CBL: variants seen among roughly 807,000 people sequenced by gnomAD.
CBL encodes the protein E3 ubiquitin-protein ligase CBL.
In CBL, 45 loss-of-function variants were observed where a neutral mutation model predicts 96.9. The observed-to-expected ratio is 0.46, with a 90% CI of 0.37 to 0.60. CBL has a LOEUF of 0.60. Among genes scored for constraint, CBL ranks in the 20% least tolerant of loss-of-function variants. The pLI is 0.00. For synonymous variants in CBL, 420 were observed against 426.8 expected (o/e 0.98, Z 0.20); for missense variants, 1,024 against 1,143.5 (o/e 0.90, Z 1.51).
chr11:119,305,912 T>G lies in CBL; in HGVS notation c.*6131T>G, dbSNP rs1042330049. The G allele has an allele frequency of 3.9e-6, 1 of 255,926 alleles. No individual in the cohort carries two copies. The highest frequency in any genetic ancestry group is 7.5e-6 in the Non-Finnish European group (1 of 133,992). The allele number at this position is 255,926 out of a possible 1,614,324, so 15.9% of individuals were successfully genotyped here. ...TCATTTGATACACACAGAAGTTACC[T>G]AATAATCCAAAGATGTCCATCAAGG... On this transcript the variant is annotated 3_prime_UTR_variant, in exon 16 of 16. Coordinates refer to ENST00000264033, the MANE Select transcript of CBL (RefSeq NM_005188.4).
chr11:119,218,394 GT>G (rs776002071), intron 1 of CBL, among the ~76,000 whole-genome samples: 3 of 152,174 alleles, frequency 2.0e-5, no homozygotes, highest in Non-Finnish European at 2.9e-5. Flanking sequence ...GTCTTAATTA[GT>G]GTATGGCATC....
At chr11:119,243,193 G>T (rs35760686) in intron 2 of CBL, among the ~76,000 whole-genome samples, 1 of 152,036 alleles carries the variant, frequency 6.6e-6, no homozygotes, top group Non-Finnish European at 1.5e-5. Flanking sequence ...CAGCAGAATC[G>T]CTAGAATCCA....
At chr11:119,216,337 G>GTAAT (rs1322001947) in intron 1 of CBL, among the ~76,000 whole-genome samples, 1 of 138,770 alleles carries the variant, frequency 7.2e-6, no homozygotes. Context: ...TGGACTTATT[G>GTAAT]TAATTTATTT....
Position 119,285,520 on chromosome 11 carries a change from C to G in CBL, c.1895C>G (p.Pro632Arg). 6.2e-7 allele frequency: 1 copy of G among 1,614,114 alleles called. No homozygotes were observed. Among genetic ancestry groups the G allele is most frequent in the South Asian group, 1.1e-5 (1 of 91,078 alleles). ...TTGCCCTCACAAATGGAGCCCAGAC[C>G]AGATGTGCCTAGGCTCGGAAGCACG... is the stretch of plus-strand genomic sequence containing the variant. The part of the protein sequence containing the change: ...FSLPSQMEPR[P>R]DVPRLGSTFS... The change falls in exon 11 of 16, where the codon CCA becomes CGA. Residue 632 changes from proline (P) to arginine (R), a missense_variant. By Grantham distance (103) the Pro-to-Arg change is moderately radical (BLOSUM62 -2). Transcript: ENST00000264033.
At chr11:119,277,022 G>T (rs1284922821) in intron 6 of CBL, among the ~76,000 whole-genome samples, 1 of 152,142 alleles carries the variant, frequency 6.6e-6, no homozygotes, top group African/African-American at 2.4e-5. Flanking sequence ...GAGACGGGTG[G>T]ATCACCTGAG....
At chr11:119,259,986 A>AC (rs2135286766) in intron 2 of CBL, among the ~76,000 whole-genome samples, 1 of 152,300 alleles carries the variant, frequency 6.6e-6, no homozygotes, top group South Asian at 2.1e-4. Flanking sequence ...TAGCAAATGG[A>AC]CCGTTCCATT....
intron 3 of CBL, among the ~76,000 whole-genome samples, chr11:119,273,531 C>T (rs1052945243): frequency 3.3e-5 from 5 of 152,138 alleles, no homozygotes; most frequent in Non-Finnish European, 4.4e-5. Context: ...AGTGATTTTC[C>T]CCCCTCAGCC....
At chr11:119,236,689 CTA>C (rs1269862430) in intron 2 of CBL, among the ~76,000 whole-genome samples, 1 of 150,960 alleles carries the variant, frequency 6.6e-6, no homozygotes, top group African/African-American at 2.4e-5. Flanking sequence ...AACCTCCAAA[CTA>C]TTTCCACAGT....
chr11:119,260,074 A>C (rs1047429702), intron 2 of CBL, among the ~76,000 whole-genome samples: 16 of 152,166 alleles, frequency 1.1e-4, no homozygotes, highest in Admixed American at 3.9e-4. Flanking sequence ...TACTCATGTT[A>C]GTATCTTCCC....
intron 1 of CBL, 49 bp downstream of exon 1, chr11:119,206,661 G>A: frequency 6.6e-7 from 1 of 1,522,666 alleles, no homozygotes; most frequent in Non-Finnish European, 8.8e-7. Flanking sequence ...CGTGGGCGGA[G>A]GGCCGCGGGG....
chr11:119,217,422 GT>G (rs1949371309), intron 1 of CBL, among the ~76,000 whole-genome samples: 1 of 152,118 alleles, frequency 6.6e-6, no homozygotes, highest in African/African-American at 2.4e-5. Flanking sequence ...CCATATTTTT[GT>G]TTTTTATGTG....
chr11:119,299,456 C>A, intron 15 of CBL, 39 bp from the exon 16 acceptor site: 3 of 1,581,224 alleles, frequency 1.9e-6, no homozygotes, highest in African/African-American at 1.3e-5. Flanking sequence ...ATGAGGATTT[C>A]CCCAGATTTG....
At position 119,255,978 on chromosome 11, in the gene CBL, T is replaced by C. The variant is rs114591771; in HGVS notation, c.444-15757T>C. Reference sequence around the variant, plus strand: ...TTGAACTCCTGGTCTCAAGCAGTCCTCCTGCCTTGGCCTTGCACAGTGCTG... The same window carrying C: ...TTGAACTCCTGGTCTCAAGCAGTCCCCCTGCCTTGGCCTTGCACAGTGCTG... On this transcript the variant is annotated intron_variant, in intron 2 of 15. Transcript: ENST00000264033. Among the ~76,000 whole-genome samples, 867 of 151,526 alleles carry C rather than the reference T, an allele frequency of 5.7e-3. 9 individuals are homozygous for C. Among genetic ancestry groups the C allele is most frequent in the African/African-American group, 0.016 (665 of 41,246 alleles).
At position 119,206,423 on chromosome 11, in the gene CBL, C is replaced by T. The variant is rs770473070; in HGVS notation, c.6C>T (p.Ala2=). The stretch of plus-strand genomic sequence containing the variant: ...GCTCCGACCCTGCCCAGGCCATGGC[C>T]GGCAACGTGAAGAAGAGCTCTGGGG... M[A]GNVKKSSGAG... is the part of the protein sequence containing the mutation. The change falls in exon 1 of 16, where the codon GCC becomes GCT. Residue 2 remains alanine (A), a synonymous_variant. Transcript: ENST00000264033. The T allele has an allele frequency of 1.3e-6, 2 of 1,564,372 alleles. No homozygotes were observed. Among genetic ancestry groups the T allele is most frequent in the South Asian group, 2.3e-5 (2 of 86,018 alleles).
At chr11:119,282,774 G>A (rs1035753197) in intron 9 of CBL, among the ~76,000 whole-genome samples, 10 of 152,104 alleles carry the variant, frequency 6.6e-5, no homozygotes, top group African/African-American at 2.4e-5. Flanking sequence ...AAGTTGGGAA[G>A]TTCACTAGGT....
In CBL at chr11:119,275,861, TAAAA is replaced by T. The variant is rs1487807953; in HGVS notation, c.870-132_870-129del. 1.8e-4 allele frequency: 172 copies of T among 931,528 alleles called. No homozygotes were observed. In the African/African-American group the frequency reaches 2.6e-3, roughly 14 times the overall value. 57.7% of individuals were successfully genotyped at this position (931,528 alleles called of 1,614,324 possible). A position where few individuals can be genotyped will look rare whatever the true frequency, so the allele number is the denominator to read the frequency against. ...TGGGTGACAGAGCCAGACTCCATCT[TAAAA>T]AAAGAAAGAAAGAAAGGAAGAAAGT... is the stretch of plus-strand genomic sequence containing the variant. On this transcript the variant is annotated intron_variant, in intron 5 of 15. Transcript: ENST00000264033.
intron 1 of CBL, 114 bp from the exon 2 acceptor site, chr11:119,232,334 T>C (rs1949509385): frequency 8.6e-7 from 1 of 1,161,054 alleles, no homozygotes. Context: ...TATATTCTCA[T>C]GTATTTTTCA....
rs753118649 is a variant in CBL, at chr11:119,301,028, A to AT, written c.*1248dup. The AT allele has an allele frequency of 4.7e-5, 11 of 233,370 alleles. No homozygotes were observed. The highest frequency in any genetic ancestry group is 8.5e-5 in the Non-Finnish European group (10 of 118,220). The allele number at this position is 233,370 out of a possible 1,614,324, so 14.5% of individuals were successfully genotyped here. A position where few individuals can be genotyped will look rare whatever the true frequency, so the allele number is the denominator to read the frequency against. ...TTCCTTTGCCCTTTAAGGAGTGGGG[A>AT]TAATGTCCACGGTGGCCCAGCCTCT... On this transcript the variant is annotated 3_prime_UTR_variant, in exon 16 of 16. Coordinates refer to ENST00000264033, the MANE Select transcript of CBL (RefSeq NM_005188.4).
At position 119,303,195 on chromosome 11, in the gene CBL, C is replaced by A; in HGVS notation, c.*3414C>A. ...TCTAGTTCTTTTTGTAGGTGTTCAG[C>A]AATGGTGATAAAGCAGAATATTCTC... On this transcript the variant is annotated 3_prime_UTR_variant, in exon 16 of 16. Coordinates refer to ENST00000264033, the MANE Select transcript of CBL (RefSeq NM_005188.4). 1 of 231,570 alleles carries A rather than the reference C, an allele frequency of 4.3e-6. No individual in the cohort carries two copies. The highest frequency in any genetic ancestry group is 5.6e-5 in the Admixed American group (1 of 17,728). 14.3% of individuals were successfully genotyped at this position (231,570 alleles called of 1,614,324 possible).
Sources: gnomAD v4.1 joint callset for allele counts (sites outside exome capture counted in the v4.1 genomes callset) on GRCh38, gnomAD v4.1.1 for gene constraint, MANE v1.5 for transcripts, NCBI Gene and HGNC (gene_info 2026-07-23, HGNC 2026-07-21) for gene names.